ADAMTS9: variants seen among roughly 807,000 people sequenced by gnomAD.
ADAMTS9 encodes ADAM metallopeptidase with thrombospondin type 1 motif 9, also known as A disintegrin and metalloproteinase with thrombospondin motifs 9.
In ADAMTS9, 107 loss-of-function variants were observed where a neutral mutation model predicts 257.1. The observed-to-expected ratio is 0.42, with a 90% CI of 0.36 to 0.49. The LOEUF is 0.49. Among genes scored for constraint, ADAMTS9 ranks in the 20% least tolerant of loss-of-function variants. ADAMTS9 has a pLI of 0.03. For synonymous variants in ADAMTS9, 982 were observed against 880.9 expected, an observed-to-expected ratio of 1.11 and a Z score of -2.03; for missense variants, 2,353 against 2,469.1, an observed-to-expected ratio of 0.95 and a Z score of 1.00.
chr3:64,561,432 C>T (rs2083420869), intron 30 of ADAMTS9, 146 bp downstream of exon 30: 1 of 820,892 alleles, frequency 1.2e-6, no homozygotes, highest in Middle Eastern at 3.6e-4. Context: ...AGCGAATGCG[C>T]GAGTCTGACA....
intron 19 of ADAMTS9, among the ~76,000 whole-genome samples, chr3:64,620,627 A>G (rs900524470): frequency 1.3e-5 from 2 of 152,176 alleles, no homozygotes; most frequent in Non-Finnish European, 2.9e-5. Context: ...AATATCTCAG[A>G]CATCCATATA....
intron 38 of ADAMTS9, among the ~76,000 whole-genome samples, chr3:64,531,783 C>T (rs975704018): frequency 1.3e-5 from 2 of 152,286 alleles, no homozygotes; most frequent in East Asian, 1.9e-4. Context: ...TGTAATAAAA[C>T]CCTACTTTCC....
chr3:64,578,178 C>T (rs995313951), intron 28 of ADAMTS9, among the ~76,000 whole-genome samples: 1 of 152,122 alleles, frequency 6.6e-6, no homozygotes, highest in African/African-American at 2.4e-5. Context: ...TGCTCATCCT[C>T]CAATTTAGCA....
intron 4 of ADAMTS9, among the ~76,000 whole-genome samples, chr3:64,657,183 T>C (rs933741275): frequency 2.0e-5 from 3 of 152,310 alleles, no homozygotes; most frequent in Admixed American, 2.0e-4. Flanking sequence ...TAGTGAGCAC[T>C]AGTACGTGGC....
chr3:64,623,123 TAGCC>T (rs1340380636), intron 16 of ADAMTS9, among the ~76,000 whole-genome samples: 1 of 152,170 alleles, frequency 6.6e-6, no homozygotes, highest in Non-Finnish European at 1.5e-5. Flanking sequence ...CTCACTGTGG[TAGCC>T]AGCCTCAAAT....
chr3:64,612,393 G>A (rs1394879130), intron 22 of ADAMTS9, among the ~76,000 whole-genome samples: 1 of 152,166 alleles, frequency 6.6e-6, no homozygotes, highest in Non-Finnish European at 1.5e-5. Flanking sequence ...GAGATTAGAA[G>A]TATAAGTGAA....
chr3:64,547,068 A>C, intron 31 of ADAMTS9, 116 bp from the exon 32 acceptor site: 1 of 889,318 alleles, frequency 1.1e-6, no homozygotes, highest in Non-Finnish European at 1.7e-6. Flanking sequence ...GAAAGCTCCC[A>C]CTTCATTAGC....
At chr3:64,639,309 TTTTAAA>T (rs1700580220) in intron 12 of ADAMTS9, among the ~76,000 whole-genome samples, 1 of 144,612 alleles carries the variant, frequency 6.9e-6, no homozygotes, top group African/African-American at 2.6e-5. Context: ...TTTTTTTTTT[TTTTAAA>T]AAAAAAAAAA....
At chr3:64,531,160 C>CT (rs34207906) in intron 38 of ADAMTS9, among the ~76,000 whole-genome samples, 6,340 of 152,124 alleles carry the variant, frequency 0.042, 711 homozygotes, top group Admixed American at 0.25. Context: ...AGTGAGATAG[C>CT]TTTTTTTCAC....
intron 27 of ADAMTS9, among the ~76,000 whole-genome samples, chr3:64,596,406 T>A (rs2084364728): frequency 6.6e-6 from 1 of 152,178 alleles, no homozygotes; most frequent in Non-Finnish European, 1.5e-5. Flanking sequence ...TAACACCTAC[T>A]CAATCTGGCT....
chr3:64,594,840 G>C (rs2084333305), intron 27 of ADAMTS9, among the ~76,000 whole-genome samples: 1 of 152,088 alleles, frequency 6.6e-6, no homozygotes, highest in Non-Finnish European at 1.5e-5. Context: ...AGGCTGGAAT[G>C]CAGTGGCACG....
chr3:64,627,339 G>A (rs1420788291), intron 16 of ADAMTS9, among the ~76,000 whole-genome samples: 3 of 151,876 alleles, frequency 2.0e-5, no homozygotes, highest in Non-Finnish European at 4.4e-5. Context: ...CTTACGATCT[G>A]CCGTGATAAA....
chr3:64,638,859 T>C (rs1163590056), intron 12 of ADAMTS9, among the ~76,000 whole-genome samples: 2 of 151,684 alleles, frequency 1.3e-5, no homozygotes, highest in Non-Finnish European at 2.9e-5. Flanking sequence ...TTGAATCAGA[T>C]AAATATTGTG....
chr3:64,525,701 C>G (rs543370738), intron 38 of ADAMTS9, among the ~76,000 whole-genome samples: 30 of 152,044 alleles, frequency 2.0e-4, no homozygotes, highest in African/African-American at 6.3e-4. Context: ...ACCTCCACCT[C>G]CCGGGTTCAA....
At chr3:64,684,345 C>A in intron 2 of ADAMTS9, among the ~76,000 whole-genome samples, 1 of 75,820 alleles carries the variant, frequency 1.3e-5, no homozygotes, top group East Asian at 6.3e-4. Context: ...GGCGGGCGAC[C>A]CATCTCAGAT....
Position 64,654,443 on chromosome 3 carries a change from C to G in ADAMTS9, c.1226G>C (p.Gly409Ala). 1.2e-6 allele frequency: 2 copies of G among 1,614,058 alleles called. No individual in the cohort carries two copies. The highest frequency in any genetic ancestry group is 2.7e-5 in the African/African-American group (2 of 75,012). The change falls in exon 8 of 40, where the codon GGA becomes GCA. Residue 409 changes from glycine (G) to alanine (A), a missense_variant. Physicochemically the swap from Gly to Ala is moderately conservative, Grantham distance 60. This residue lies in a region of ADAMTS9 where 591 missense variants were observed against 569.6 expected (regional missense o/e 1.04). Transcript: ENST00000498707. ...KCDTLGLAEL[G>A]TICDPYRSCS... ...GCTTCTATAGGGATCACAAATGGTTCCCAGTTCAGCCAGGCCTATTAGAAG... is the reference window on the plus strand; with the variant it reads ...GCTTCTATAGGGATCACAAATGGTTGCCAGTTCAGCCAGGCCTATTAGAAG...
intron 12 of ADAMTS9, among the ~76,000 whole-genome samples, chr3:64,635,497 C>T (rs900437898): frequency 6.6e-6 from 1 of 152,216 alleles, no homozygotes; most frequent in Non-Finnish European, 1.5e-5. Context: ...CTACGTCTGT[C>T]TGTTTCTGCA....
intron 32 of ADAMTS9, among the ~76,000 whole-genome samples, chr3:64,543,002 A>G (rs1354974899): frequency 1.3e-5 from 2 of 152,216 alleles, no homozygotes; most frequent in South Asian, 2.1e-4. Context: ...ATGCAAATAA[A>G]CTAGAAAATC....
intron 3 of ADAMTS9, among the ~76,000 whole-genome samples, chr3:64,670,655 C>T (rs1289701535): frequency 1.3e-5 from 2 of 152,174 alleles, no homozygotes; most frequent in African/African-American, 2.4e-5. Flanking sequence ...AAAGAACTTT[C>T]AGACTTCAGT....
Sources: allele counts gnomAD v4.1 joint callset (sites outside exome capture counted in the v4.1 genomes callset), GRCh38; gene constraint gnomAD v4.1.1; regional missense constraint gnomAD v4.1.1; transcripts MANE v1.5; gene names NCBI Gene and HGNC (gene_info 2026-07-23, HGNC 2026-07-21).